FRMD4A: variants seen among roughly 807,000 people sequenced by gnomAD.
FRMD4A encodes the protein FERM domain-containing protein 4A.
A neutral mutation model predicts 129.1 loss-of-function variants in FRMD4A; 29 were observed. That is an observed-to-expected ratio of 0.22 (90% CI 0.17 to 0.31). The LOEUF (loss-of-function observed/expected upper bound fraction) is 0.31, where lower values mean the gene tolerates loss of function less well. Ranked by LOEUF, FRMD4A falls within the 10% of genes least tolerant of loss-of-function variation. The pLI, the probability that FRMD4A is intolerant of heterozygous loss-of-function variation, is 1.00. For missense variants in FRMD4A, 1,272 were observed against 1,375.8 expected (o/e 0.92, Z 1.19); for synonymous variants, 634 against 571.6 (o/e 1.11, Z -1.56).
chr10:13,717,880 G>T (rs1018810289), intron 12 of FRMD4A, among the ~76,000 whole-genome samples: 1 of 151,770 alleles, frequency 6.6e-6, no homozygotes, highest in East Asian at 1.9e-4. Context: ...AGCTCTGCAG[G>T]GAAATACAGG....
intron 2 of FRMD4A, among the ~76,000 whole-genome samples, chr10:14,107,569 A>G (rs904861964): frequency 6.6e-6 from 1 of 152,126 alleles, no homozygotes. Flanking sequence ...TATCTCATTC[A>G]CTTTGCTGCA....
At position 13,888,340 on chromosome 10, in the gene FRMD4A, T is replaced by C. The variant is rs146721185; in HGVS notation, c.46-29428A>G. Among the ~76,000 whole-genome samples, 201 of 152,372 alleles carry C rather than the reference T, an allele frequency of 1.3e-3. 2 individuals are homozygous for C. Among genetic ancestry groups the C allele is most frequent in the African/African-American group, 4.7e-3 (196 of 41,592 alleles). ...ATGCAATGATCCCTTTTCTTCCTTT[T>C]CTTACATCAATGCCTAACTTTTCAG... On this transcript the variant is annotated intron_variant, in intron 2 of 24. Transcript: ENST00000357447.
chr10:14,027,956 T>A (rs574555614), intron 2 of FRMD4A, among the ~76,000 whole-genome samples: 2 of 152,330 alleles, frequency 1.3e-5, no homozygotes, highest in Admixed American at 6.5e-5. Context: ...AGTAACTGGG[T>A]ACCAGGGAGG....
chr10:14,185,728 A>G (rs757809055), intron 2 of FRMD4A, among the ~76,000 whole-genome samples: 8 of 152,246 alleles, frequency 5.3e-5, no homozygotes, highest in Non-Finnish European at 1.0e-4. Context: ...TCTAGAGAGA[A>G]GGGATGGCAA....
chr10:14,318,063 G>T lies in FRMD4A; in HGVS notation c.45+11995C>A, dbSNP rs184644963. On this transcript the variant is annotated intron_variant, in intron 2 of 24. Transcript: ENST00000357447. Reference sequence around the variant, plus strand: ...GAGAATAGAAGGAAAACAAATAGTTGTTGATACAGGTAATGTTCATGTTTC... The same window carrying T: ...GAGAATAGAAGGAAAACAAATAGTTTTTGATACAGGTAATGTTCATGTTTC... 4.1e-3 allele frequency among the ~76,000 whole-genome samples: 627 copies of T among 152,282 alleles called. 7 individuals are homozygous for T. Among genetic ancestry groups the T allele is most frequent in the African/African-American group, 0.014 (574 of 41,554 alleles).
At chr10:14,036,042 CAAAAA>C (rs10596694) in intron 2 of FRMD4A, among the ~76,000 whole-genome samples, 15 of 133,998 alleles carry the variant, frequency 1.1e-4, no homozygotes, top group East Asian at 2.2e-4. Context: ...AACTCCACCT[CAAAAA>C]AAAAAAAAAA....
intron 2 of FRMD4A, among the ~76,000 whole-genome samples, chr10:13,971,370 C>T (rs537618727): frequency 6.6e-6 from 1 of 152,302 alleles, no homozygotes; most frequent in Admixed American, 6.5e-5. Context: ...ATAACCTCAT[C>T]TCAAAATGGT....
chr10:13,767,528 C>T (rs570432738), intron 6 of FRMD4A, among the ~76,000 whole-genome samples: 10 of 152,148 alleles, frequency 6.6e-5, no homozygotes, highest in African/African-American at 1.4e-4. Context: ...CATGAGCCTC[C>T]GTGCCCGGCC....
chr10:13,819,760 A>G (rs1475550943), intron 3 of FRMD4A, among the ~76,000 whole-genome samples: 13 of 144,142 alleles, frequency 9.0e-5, no homozygotes. Context: ...CAGTGGCACG[A>G]TCTCAGGCTG....
intron 9 of FRMD4A, among the ~76,000 whole-genome samples, chr10:13,745,871 A>G (rs971768919): frequency 1.1e-4 from 17 of 152,212 alleles, no homozygotes; most frequent in Admixed American, 3.9e-4. Flanking sequence ...GATGAGGCCC[A>G]GTGGCACAAG....
intron 2 of FRMD4A, among the ~76,000 whole-genome samples, chr10:13,949,071 T>A (rs1306058304): frequency 1.3e-5 from 2 of 151,712 alleles, no homozygotes; most frequent in Middle Eastern, 3.2e-3. Flanking sequence ...GGAACTGGAG[T>A]TTGTTTATTT....
At chr10:13,833,320 A>C (rs1490631080) in intron 3 of FRMD4A, among the ~76,000 whole-genome samples, 2 of 152,210 alleles carry the variant, frequency 1.3e-5, no homozygotes, top group South Asian at 2.1e-4. Flanking sequence ...GGGAACTCCC[A>C]TTTATAAAAC....
chr10:14,323,837 A>G (rs901606066), intron 2 of FRMD4A, among the ~76,000 whole-genome samples: 1 of 152,360 alleles, frequency 6.6e-6, no homozygotes, highest in South Asian at 2.1e-4. Flanking sequence ...GACAGCTTGT[A>G]AGAGATGACC....
chr10:13,838,445 C>A (rs1170149324), intron 3 of FRMD4A, among the ~76,000 whole-genome samples: 1 of 151,646 alleles, frequency 6.6e-6, no homozygotes, highest in Non-Finnish European at 1.5e-5. Context: ...TGCTGCTCTG[C>A]TTCTCAGTTT....
At position 13,691,576 on chromosome 10, in the gene FRMD4A, C is replaced by T. The variant is rs1013017651; in HGVS notation, c.1117+2322G>A. ...CTAGACCAGCAGCATCAGCCTCACT[C>T]GGAAACTTGTTAGAGGTGTAAATTC... On this transcript the variant is annotated intron_variant, in intron 15 of 24. Transcript: ENST00000357447. Among the ~76,000 whole-genome samples, 14 of 152,312 alleles carry T rather than the reference C, an allele frequency of 9.2e-5. No homozygotes were observed. In the East Asian group the frequency reaches 1.5e-3, roughly 17 times the overall value.
At chr10:14,120,321 A>C (rs1309043587) in intron 2 of FRMD4A, among the ~76,000 whole-genome samples, 1 of 151,802 alleles carries the variant, frequency 6.6e-6, no homozygotes, top group African/African-American at 2.4e-5. Context: ...AACTCAGTTC[A>C]GTGTCACTTC....
intron 2 of FRMD4A, among the ~76,000 whole-genome samples, chr10:14,119,222 T>C (rs548247144): frequency 2.5e-3 from 375 of 152,272 alleles, no homozygotes; most frequent in Non-Finnish European, 4.0e-3. Flanking sequence ...CTGCAGCTTC[T>C]GTGAATGAAG....
chr10:14,065,050 G>C (rs1332390009), intron 2 of FRMD4A, among the ~76,000 whole-genome samples: 3 of 152,164 alleles, frequency 2.0e-5, no homozygotes, highest in African/African-American at 7.2e-5. Flanking sequence ...GAATTTGAGT[G>C]GTAGGGAGTG....
chr10:14,162,032 T>C (rs1402009474), intron 2 of FRMD4A, among the ~76,000 whole-genome samples: 2 of 150,924 alleles, frequency 1.3e-5, no homozygotes, highest in East Asian at 3.9e-4. Flanking sequence ...AGATATTTTA[T>C]ATAATTTATT....
Sources: allele counts gnomAD v4.1 joint callset (sites outside exome capture counted in the v4.1 genomes callset), GRCh38; gene constraint gnomAD v4.1.1; transcripts MANE v1.5; gene names NCBI Gene and HGNC (gene_info 2026-07-23, HGNC 2026-07-21).